Variants in TRAPPC8 observed in about 807,000 individuals in gnomAD.
The protein encoded by TRAPPC8 is general sporulation gene 1 homolog.
Under a neutral mutation model 174.3 loss-of-function variants are expected in TRAPPC8, and 54 were observed. That is an observed-to-expected ratio of 0.31 (90% CI 0.25 to 0.39). The LOEUF (loss-of-function observed/expected upper bound fraction) is 0.39. Ranked by LOEUF, TRAPPC8 falls within the 10% of genes least tolerant of loss-of-function variation. TRAPPC8 has a pLI of 1.00. For synonymous variants in TRAPPC8, 630 were observed against 579.9 expected, an observed-to-expected ratio of 1.09 and a Z score of -1.24; for missense variants, 1,531 against 1,699.1, an observed-to-expected ratio of 0.90 and a Z score of 1.74.
chr18:31,888,858 G>A (rs768282944), intron 12 of TRAPPC8, among the ~76,000 whole-genome samples: 2 of 152,150 alleles, frequency 1.3e-5, no homozygotes, highest in African/African-American at 2.4e-5. Flanking sequence ...AAACCACCAT[G>A]GCACACGTTT....
rs1381077685 is a variant in TRAPPC8 at position 31,830,432 on chromosome 18, T to C, written c.*323A>G. The C allele has an allele frequency of 8.4e-6, 2 of 237,504 alleles. No homozygotes were observed. Among genetic ancestry groups the C allele is most frequent in the Non-Finnish European group, 8.2e-6 (1 of 122,316 alleles). The allele number at this position is 237,504 out of a possible 1,614,324, so 14.7% of individuals were successfully genotyped here. A position where few individuals can be genotyped will look rare whatever the true frequency, so the allele number is the denominator to read the frequency against. ...CCTTTCTCAGAATCATCTCCTAATATTCGTATACCATTGACAAGTTGTAAC... is the reference window on the plus strand; with the variant it reads ...CCTTTCTCAGAATCATCTCCTAATACTCGTATACCATTGACAAGTTGTAAC... On this transcript the variant is annotated 3_prime_UTR_variant, in exon 29 of 29. Transcript: ENST00000283351.
At chr18:31,923,748 T>TTAA (rs775184407) in intron 2 of TRAPPC8, among the ~76,000 whole-genome samples, 1 of 141,420 alleles carries the variant, frequency 7.1e-6, no homozygotes, top group Non-Finnish European at 1.5e-5. Context: ...GGAAAGAAGC[T>TTAA]AAAAAAAAAA....
At chr18:31,874,768 T>C in intron 12 of TRAPPC8, 64 bp from the exon 13 acceptor site, 9 of 1,363,768 alleles carry the variant, frequency 6.6e-6, no homozygotes, top group South Asian at 1.3e-5. Flanking sequence ...AAAAAACAAA[T>C]ACAAACACAC....
At chr18:31,917,768 ATTTCT>A in intron 2 of TRAPPC8, 101 bp from the exon 3 acceptor site, 1 of 941,778 alleles carries the variant, frequency 1.1e-6, no homozygotes, top group Non-Finnish European at 1.6e-6. Context: ...TAAAAAAAAA[ATTTCT>A]AACAGTAAAC....
At chr18:31,881,918 GA>G (rs1249378115) in intron 12 of TRAPPC8, among the ~76,000 whole-genome samples, 5 of 151,992 alleles carry the variant, frequency 3.3e-5, no homozygotes, top group African/African-American at 1.2e-4. Flanking sequence ...AATGTAAATC[GA>G]AACAATGAGA....
In TRAPPC8 at chr18:31,890,839, A is replaced by G. The variant is rs1406468859; in HGVS notation, c.1624T>C (p.Leu542=). ...ATAAAGCAATGTGCTGCCTGTTCCA[A>G]AAGAAGTGCACTTCGAAGATCAGAA... is the stretch of plus-strand genomic sequence containing the variant. ...EDSDLRSALL[L]EQAAHCFINM... The change falls in exon 12 of 29, where the codon TTG becomes CTG. Residue 542 remains leucine, a synonymous_variant. Transcript: ENST00000283351. The G allele has an allele frequency of 6.2e-7, 1 of 1,611,298 alleles. No individual in the cohort carries two copies. Among genetic ancestry groups the G allele is most frequent in the South Asian group, 1.1e-5 (1 of 90,564 alleles).
chr18:31,855,462 C>T (rs901422323), intron 21 of TRAPPC8, among the ~76,000 whole-genome samples, 198 bp downstream of exon 21: 5 of 152,040 alleles, frequency 3.3e-5, no homozygotes, highest in African/African-American at 1.2e-4. Flanking sequence ...ATCAGAAGAT[C>T]TTTTTATTTG....
chr18:31,836,952 T>C lies in TRAPPC8; in HGVS notation c.3983+2360A>G, dbSNP rs188429390. Among the ~76,000 whole-genome samples, 1,106 of 151,966 alleles carry C rather than the reference T, an allele frequency of 7.3e-3. 9 individuals carry two copies. Among genetic ancestry groups the C allele is most frequent in the East Asian group, 0.011 (57 of 5,112 alleles). On this transcript the variant is annotated intron_variant, in intron 27 of 28. Coordinates refer to ENST00000283351, the MANE Select transcript of TRAPPC8 (RefSeq NM_014939.5). ...AATTTTTTTGTATTTTTAGTAGAGA[T>C]GGGGTTTCACCGTGTTAGCCAGGAT...
chr18:31,858,457 T>C (rs1328975636), intron 19 of TRAPPC8, among the ~76,000 whole-genome samples: 1 of 152,212 alleles, frequency 6.6e-6, no homozygotes, highest in Non-Finnish European at 1.5e-5. Context: ...TGATTTCATA[T>C]CCATAATTTT....
intron 16 of TRAPPC8, among the ~76,000 whole-genome samples, chr18:31,869,614 C>A (rs1429293758): frequency 6.6e-6 from 1 of 151,930 alleles, no homozygotes; most frequent in Non-Finnish European, 1.5e-5. Flanking sequence ...TGGAAACTTG[C>A]CAAAAAACTA....
At chr18:31,885,503 A>T (rs1568090942) in intron 12 of TRAPPC8, among the ~76,000 whole-genome samples, 3 of 151,428 alleles carry the variant, frequency 2.0e-5, no homozygotes, top group Non-Finnish European at 4.4e-5. Flanking sequence ...ATCAATGCCA[A>T]TTTTTTTTTA....
At chr18:31,922,235 T>G (rs1334145723) in intron 2 of TRAPPC8, among the ~76,000 whole-genome samples, 1 of 152,196 alleles carries the variant, frequency 6.6e-6, no homozygotes, top group Non-Finnish European at 1.5e-5. Context: ...GCAAAATACA[T>G]ACACATACAG....
chr18:31,879,709 G>C (rs1179420035), intron 12 of TRAPPC8, among the ~76,000 whole-genome samples: 1 of 151,858 alleles, frequency 6.6e-6, no homozygotes, highest in African/African-American at 2.4e-5. Context: ...CAAAATTGAT[G>C]AGACTACTAG....
Position 31,829,355 on chromosome 18 carries a change from T to G in TRAPPC8, c.*1400A>C, listed in dbSNP as rs1265476637. Reference sequence around the variant, plus strand: ...CTGTGATTATGCCTCCTCATTCTTGTCTTTCCTCCTCAGACTTTTTATAAG... The same window carrying G: ...CTGTGATTATGCCTCCTCATTCTTGGCTTTCCTCCTCAGACTTTTTATAAG... On this transcript the variant is annotated 3_prime_UTR_variant, in exon 29 of 29. Coordinates refer to ENST00000283351, the MANE Select transcript of TRAPPC8 (RefSeq NM_014939.5). 6.6e-6 allele frequency: 1 copy of G among 152,184 alleles called. No individual in the cohort carries two copies. The highest frequency in any genetic ancestry group is 2.4e-5 in the African/African-American group (1 of 41,434). The allele number at this position is 152,184 out of a possible 1,614,324, so 9.4% of individuals were successfully genotyped here. A position where few individuals can be genotyped will look rare whatever the true frequency, so the allele number is the denominator to read the frequency against.
At position 31,912,281 on chromosome 18, in the gene TRAPPC8, A is replaced by G. The variant is rs548819424; in HGVS notation, c.771+1088T>C. On this transcript the variant is annotated intron_variant, in intron 5 of 28. Coordinates refer to ENST00000283351, the MANE Select transcript of TRAPPC8 (RefSeq NM_014939.5). ...TGAGGCGGACAGATCACCTGAGGTCAAGAGTTCGAGACCAGCCTGACCAAT... is the reference window on the plus strand; with the variant it reads ...TGAGGCGGACAGATCACCTGAGGTCGAGAGTTCGAGACCAGCCTGACCAAT... 4.3e-3 allele frequency among the ~76,000 whole-genome samples: 654 copies of G among 152,282 alleles called. 2 individuals are homozygous for G. Among genetic ancestry groups the G allele is most frequent in the Non-Finnish European group, 6.1e-3 (414 of 68,022 alleles).
At chr18:31,893,621 T>C (rs2036060758) in intron 11 of TRAPPC8, among the ~76,000 whole-genome samples, 2 of 152,338 alleles carry the variant, frequency 1.3e-5, no homozygotes, top group South Asian at 2.1e-4. Flanking sequence ...TTCCAGCCCA[T>C]TAATATGTCT....
chr18:31,872,832 T>C (rs190911263), intron 14 of TRAPPC8, among the ~76,000 whole-genome samples: 21 of 152,288 alleles, frequency 1.4e-4, no homozygotes, highest in Non-Finnish European at 1.9e-4. Context: ...ATTAAACGTT[T>C]ATGAAGATTA....
intron 10 of TRAPPC8, among the ~76,000 whole-genome samples, chr18:31,900,224 ACTC>A (rs2036360459): frequency 6.6e-6 from 1 of 151,906 alleles, no homozygotes; most frequent in Admixed American, 6.6e-5. Context: ...ACAGAGCAAG[ACTC>A]CTCCTCAAAA....
chr18:31,892,251 C>G lies in TRAPPC8; in HGVS notation c.1597-1385G>C, dbSNP rs545642632. ...ACAGCTTAATAGTGTTGTGTCATGT[C>G]ACCCCTCCTATATATGTATGTGCAT... On this transcript the variant is annotated intron_variant, in intron 11 of 28. Transcript: ENST00000283351. Among the ~76,000 whole-genome samples the G allele has an allele frequency of 7.2e-5, 11 of 152,270 alleles. No homozygotes were observed. The South Asian group carries it at 2.1e-3, about 29-fold the overall frequency.
Sources: gnomAD v4.1 joint callset for allele counts (sites outside exome capture counted in the v4.1 genomes callset) on GRCh38, gnomAD v4.1.1 for gene constraint, MANE v1.5 for transcripts, NCBI Gene and HGNC (gene_info 2026-07-23, HGNC 2026-07-21) for gene names.